The following ANK2 variants were observed in gnomAD, a reference collection of about 807,000 sequenced individuals.
ANK2 encodes ankyrin-2.
Under a neutral mutation model 360.5 loss-of-function variants are expected in ANK2, and 83 were observed. The observed-to-expected ratio is 0.23, with a 90% confidence interval of 0.19 to 0.28. The LOEUF is 0.28. Ranked by LOEUF, ANK2 falls within the 10% of genes least tolerant of loss-of-function variation. The pLI, the probability that ANK2 is intolerant of heterozygous loss-of-function variation, is 1.00. For missense variants in ANK2, 4,201 were observed against 4,795.7 expected, an observed-to-expected ratio of 0.88 and a Z score of 3.66; for synonymous variants, 1,740 against 1,759.5, an observed-to-expected ratio of 0.99 and a Z score of 0.28.
At chr4:112,754,666 T>C in the ANK2 span, among the ~76,000 whole-genome samples, 6 of 152,134 alleles carry the variant, frequency 3.9e-5, no homozygotes, top group Non-Finnish European at 7.4e-5. Context: ...AGCACTCTCA[T>C]GTGGCTGCCA....
At chr4:113,192,513 C>A (rs1289228987) in intron 2 of ANK2, among the ~76,000 whole-genome samples, 1 of 152,080 alleles carries the variant, frequency 6.6e-6, no homozygotes, top group African/African-American at 2.4e-5. Context: ...TGCATCGTGA[C>A]CTACAGTCTG....
the ANK2 span, among the ~76,000 whole-genome samples, chr4:112,771,602 T>TC: frequency 6.6e-6 from 1 of 151,810 alleles, no homozygotes; most frequent in Non-Finnish European, 1.5e-5. Context: ...TTTTTTTTTT[T>TC]TGAGACAGAG....
chr4:112,747,771 A>C, the ANK2 span, among the ~76,000 whole-genome samples: 1 of 152,186 alleles, frequency 6.6e-6, no homozygotes, highest in African/African-American at 2.4e-5. Context: ...GAAGACATTA[A>C]ATACCAGACT....
intron 13 of ANK2, among the ~76,000 whole-genome samples, chr4:113,260,045 A>G (rs2051887923): frequency 1.3e-5 from 2 of 152,180 alleles, no homozygotes; most frequent in South Asian, 4.1e-4. Context: ...TTATCACATT[A>G]TAATGATAAC....
At chr4:112,898,719 A>G (rs926924586) in intron 1 of ANK2, among the ~76,000 whole-genome samples, 2 of 152,236 alleles carry the variant, frequency 1.3e-5, no homozygotes, top group African/African-American at 4.8e-5. Context: ...AAAACAAATG[A>G]AAGAGTTCAT....
chr4:112,907,543 T>A (rs1321663222), intron 2 of ANK2, among the ~76,000 whole-genome samples: 1 of 152,202 alleles, frequency 6.6e-6, no homozygotes, highest in Admixed American at 6.5e-5. Context: ...GACATCCTCA[T>A]TGAATCTGGT....
chr4:112,978,117 C>A (rs56080855), intron 2 of ANK2, among the ~76,000 whole-genome samples: 50,745 of 151,394 alleles, frequency 0.34, 9,175 homozygotes, highest in African/African-American at 0.48. Context: ...GGTGGTGAGT[C>A]CCTGTAATCC....
chr4:113,277,817 T>C lies in ANK2; in HGVS notation c.1684-20T>C, dbSNP rs767650295. ...TTACAACAATAAATACGATTTTACTTTTGTTTCTCACATTTTCAGAAGGGT... is the reference window on the plus strand; with the variant it reads ...TTACAACAATAAATACGATTTTACTCTTGTTTCTCACATTTTCAGAAGGGT... On this transcript the variant is annotated intron_variant, in intron 15 of 45. Transcript: ENST00000357077. 1 of 1,580,714 alleles carries C rather than the reference T, an allele frequency of 6.3e-7. No individual in the cohort carries two copies. Among genetic ancestry groups the C allele is most frequent in the African/African-American group, 1.3e-5 (1 of 74,158 alleles).
chr4:113,362,193 A>G (rs1449789642), intron 39 of ANK2, among the ~76,000 whole-genome samples: 5 of 151,956 alleles, frequency 3.3e-5, no homozygotes, highest in African/African-American at 9.7e-5. Flanking sequence ...GCTTTTGTTG[A>G]TGGGCTTTAG....
chr4:112,742,480 G>A, the ANK2 span, among the ~76,000 whole-genome samples: 11 of 151,928 alleles, frequency 7.2e-5, no homozygotes, highest in South Asian at 2.1e-3. Context: ...AGATTGGCTA[G>A]GGTAGGTTGT....
intron 7 of ANK2, 148 bp downstream of exon 7, chr4:113,237,770 A>G (rs1397122608): frequency 2.7e-6 from 2 of 733,554 alleles, no homozygotes. Context: ...ATGAAGGCAA[A>G]CTGATAATTC....
the ANK2 span, among the ~76,000 whole-genome samples, chr4:112,733,169 T>C: frequency 2.5e-4 from 38 of 152,098 alleles, no homozygotes; most frequent in Non-Finnish European, 3.4e-4. Flanking sequence ...TGAGCCAAGA[T>C]CCTGCCACTG....
chr4:112,744,078 T>C, the ANK2 span, among the ~76,000 whole-genome samples: 1 of 152,114 alleles, frequency 6.6e-6, no homozygotes, highest in Non-Finnish European at 1.5e-5. Flanking sequence ...CACCTCGGCC[T>C]CCCAAAGTGA....
At chr4:112,870,344 G>T (rs952605755) in intron 1 of ANK2, among the ~76,000 whole-genome samples, 2 of 152,190 alleles carry the variant, frequency 1.3e-5, no homozygotes, top group African/African-American at 4.8e-5. Context: ...TACAATGCTT[G>T]CACCTTTGGT....
intron 2 of ANK2, among the ~76,000 whole-genome samples, chr4:112,974,591 A>G (rs2040702727): frequency 6.6e-6 from 1 of 152,226 alleles, no homozygotes; most frequent in Non-Finnish European, 1.5e-5. Context: ...CAACAATAGC[A>G]GTAGCATTCA....
At chr4:112,924,757 C>T (rs2092282701) in intron 2 of ANK2, among the ~76,000 whole-genome samples, 1 of 151,260 alleles carries the variant, frequency 6.6e-6, no homozygotes, top group African/African-American at 2.4e-5. Flanking sequence ...ACATATATGA[C>T]AGTAGTGGTT....
intron 1 of ANK2, among the ~76,000 whole-genome samples, chr4:113,113,731 G>A (rs1054966231): frequency 6.6e-6 from 1 of 152,130 alleles, no homozygotes; most frequent in Non-Finnish European, 1.5e-5. Context: ...CAATGGCTGT[G>A]AGCTCCTGGA....
At chr4:112,980,002 A>G (rs1158532932) in intron 2 of ANK2, 2 of 152,278 alleles carry the variant, frequency 1.3e-5, no homozygotes, top group Non-Finnish European at 2.9e-5. Flanking sequence ...CTTTCCGCCC[A>G]GTAACCAGTC....
At chr4:113,254,068 A>G (rs962516898) in intron 10 of ANK2, among the ~76,000 whole-genome samples, 1 of 152,268 alleles carries the variant, frequency 6.6e-6, no homozygotes, top group Middle Eastern at 3.4e-3. Context: ...CCAAGTCAAC[A>G]AGACTAGCTC....
Sources: allele counts gnomAD v4.1 joint callset (sites outside exome capture counted in the v4.1 genomes callset), GRCh38; gene constraint gnomAD v4.1.1; transcripts MANE v1.5; gene names NCBI Gene and HGNC (gene_info 2026-07-23, HGNC 2026-07-21).